The following KAT8 variants were observed in gnomAD, a reference collection of about 807,000 sequenced individuals.
KAT8 encodes the protein histone acetyltransferase KAT8.
In KAT8, 40 loss-of-function variants were observed where a neutral mutation model predicts 62.9. The observed-to-expected ratio is 0.64, with a 90% confidence interval of 0.49 to 0.83. The LOEUF (loss-of-function observed/expected upper bound fraction) is 0.83. Ranked by LOEUF, KAT8 falls within the 40% of genes least tolerant of loss-of-function variation. KAT8 has a pLI of 0.00. For missense variants in KAT8, 387 were observed against 614.8 expected, an observed-to-expected ratio of 0.63 and a Z score of 3.92; for synonymous variants, 278 against 254.5, an observed-to-expected ratio of 1.09 and a Z score of -0.88.
intron 6 of KAT8, 34 bp downstream of exon 6, chr16:31,128,173 G>C: frequency 1.3e-6 from 2 of 1,533,388 alleles, no homozygotes; most frequent in Non-Finnish European, 1.8e-6. Context: ...GAGAGGCCGG[G>C]GAGGCCCTGG....
intron 3 of KAT8, 66 bp downstream of exon 3, chr16:31,120,580 T>A: frequency 3.3e-6 from 5 of 1,494,978 alleles, no homozygotes; most frequent in Non-Finnish European, 3.6e-6. Context: ...CTTGGGTCTC[T>A]CGGGCCCCAG....
rs2143960323 is a variant in KAT8 at position 31,117,906 on chromosome 16, C to T, written c.211+14C>T. On this transcript the variant is annotated intron_variant, in intron 1 of 10. Coordinates refer to ENST00000219797, the MANE Select transcript of KAT8 (RefSeq NM_032188.3). ...ATAGCACCTGGCGTGAGGGCGGGGC[C>T]CAGGGCTGGGGGCGGGGCGGAGCTC... The T allele has an allele frequency of 7.5e-7, 1 of 1,334,670 alleles. No homozygotes were observed. Among genetic ancestry groups the T allele is most frequent in the East Asian group, 3.1e-5 (1 of 32,066 alleles). 82.7% of individuals were successfully genotyped at this position (1,334,670 alleles called of 1,614,324 possible).
rs774078739 is a variant in KAT8 at position 31,130,907 on chromosome 16, G to C, written c.1312+7G>C. On this transcript the variant is annotated splice_region_variant and intron_variant, in intron 10 of 10. Coordinates refer to ENST00000219797, the MANE Select transcript of KAT8 (RefSeq NM_032188.3). ...AAGAAACCACCCATCACAGGTGGGT[G>C]GGGGGCTGCTGTGTGTCGGGGGCGG... 1.7e-5 allele frequency: 27 copies of C among 1,610,864 alleles called. No homozygotes were observed. The highest frequency in any genetic ancestry group is 2.0e-5 in the Non-Finnish European group (23 of 1,179,424).
Position 31,130,812 on chromosome 16 carries a change from C to T in KAT8, c.1224C>T (p.Tyr408=). The change falls in exon 10 of 11, where the codon TAC becomes TAT. Residue 408 remains tyrosine, a synonymous_variant. Transcript: ENST00000219797. ...TGCAATCCCTCAATATGGTCAAGTA[C>T]TGGAAGGGCCAGCACGTGATCTGTG... The part of the protein sequence containing the change: ...STLQSLNMVK[Y]WKGQHVICVT... 6.2e-7 allele frequency: 1 copy of T among 1,614,026 alleles called. No homozygotes were observed. Among genetic ancestry groups the T allele is most frequent in the East Asian group, 2.2e-5 (1 of 44,872 alleles).
At chr16:31,124,731 CAAAAAAA>C (rs551229166) in intron 3 of KAT8, among the ~76,000 whole-genome samples, 1 of 61,076 alleles carries the variant, frequency 1.6e-5, no homozygotes, top group African/African-American at 6.8e-5. Flanking sequence ...GGCTCCATTT[CAAAAAAA>C]AAAAAAAAAA....
intron 6 of KAT8, among the ~76,000 whole-genome samples, chr16:31,129,210 T>C (rs2143991259): frequency 6.6e-6 from 1 of 152,348 alleles, no homozygotes; most frequent in Non-Finnish European, 1.5e-5. Flanking sequence ...CGGGCCTTGT[T>C]ATTATCGGTG....
intron 3 of KAT8, chr16:31,124,049 G>A (rs1423649158): frequency 6.6e-6 from 1 of 152,212 alleles, no homozygotes; most frequent in African/African-American, 2.4e-5. Flanking sequence ...TAAATAAATT[G>A]CAACAATTAA....
At chr16:31,128,749 A>G (rs1273766977) in intron 6 of KAT8, among the ~76,000 whole-genome samples, 2 of 152,226 alleles carry the variant, frequency 1.3e-5, no homozygotes, top group African/African-American at 4.8e-5. Flanking sequence ...TTGGAAAGAA[A>G]GGTGTTTGTT....
intron 6 of KAT8, among the ~76,000 whole-genome samples, chr16:31,128,847 C>G (rs193174365): frequency 6.6e-6 from 1 of 152,134 alleles, no homozygotes; most frequent in Admixed American, 6.5e-5. Flanking sequence ...TTCCTGGCCC[C>G]GAATGACTTC....
At position 31,117,673 on chromosome 16, in the gene KAT8, C is replaced by T. The variant is rs751535384; in HGVS notation, c.-9C>T. 31 of 1,388,032 alleles carry T rather than the reference C, an allele frequency of 2.2e-5. 1 individual carries two copies. In the Middle Eastern group the frequency reaches 6.6e-4, roughly 30 times the overall value. The allele number at this position is 1,388,032 out of a possible 1,614,324, so 86.0% of individuals were successfully genotyped here. ...GGCGTCCGATTCTGGCGTCACTTCCCTTCCCGCGATGGCGGCACAGGGAGC... is the reference window on the plus strand; with the variant it reads ...GGCGTCCGATTCTGGCGTCACTTCCTTTCCCGCGATGGCGGCACAGGGAGC... On this transcript the variant is annotated 5_prime_UTR_variant, in exon 1 of 11. Transcript: ENST00000219797.
Position 31,120,326 on chromosome 16 carries a change from C to T in KAT8, c.287-13C>T. 1.9e-6 allele frequency: 3 copies of T among 1,614,060 alleles called. No individual in the cohort carries two copies. Among genetic ancestry groups the T allele is most frequent in the Non-Finnish European group, 2.5e-6 (3 of 1,179,922 alleles). On this transcript the variant is annotated splice_polypyrimidine_tract_variant and intron_variant, in intron 2 of 10. Transcript: ENST00000219797. ...GGCTGCCCTGGCAGCACTCTTATGG[C>T]CCATACTTACAGTTAACCGGCGGCT...
At chr16:31,120,651 A>G (rs947058721) in intron 3 of KAT8, 137 bp downstream of exon 3, 2 of 737,194 alleles carry the variant, frequency 2.7e-6, no homozygotes, top group Non-Finnish European at 4.3e-6. Flanking sequence ...GACTTTACCT[A>G]CTTCCTCTTA....
intron 3 of KAT8, among the ~76,000 whole-genome samples, chr16:31,125,409 G>A (rs2057525532): frequency 6.6e-6 from 1 of 152,040 alleles, no homozygotes; most frequent in Non-Finnish European, 1.5e-5. Context: ...TTTGAGAACA[G>A]CCTGGCCAAC....
chr16:31,118,687 G>A (rs2057469849), intron 1 of KAT8: 1 of 151,870 alleles, frequency 6.6e-6, no homozygotes. Context: ...ATCATACTGG[G>A]AACTTCTGGA....
chr16:31,120,626 C>T (rs556612241), intron 3 of KAT8, 112 bp downstream of exon 3: 10 of 991,938 alleles, frequency 1.0e-5, no homozygotes, highest in South Asian at 6.6e-5. Context: ...TCTTAAGCTC[C>T]TGTAGTGTGT....
At chr16:31,127,912 A>G (rs2057544820) in intron 5 of KAT8, 138 bp from the exon 6 acceptor site, 1 of 662,904 alleles carries the variant, frequency 1.5e-6, no homozygotes, top group Admixed American at 2.3e-5. Flanking sequence ...GGCTGCTGGG[A>G]GGATTACTCG....
rs2057572390 is a variant in KAT8, at chr16:31,130,898, CAGGT to C, written c.1311_1312+2del. 6.2e-6 allele frequency: 10 copies of C among 1,602,932 alleles called. No homozygotes were observed. Among genetic ancestry groups the C allele is most frequent in the African/African-American group, 1.4e-5 (1 of 72,790 alleles). Reference sequence around the variant, plus strand: ...GCCCAGTATAAGAAACCACCCATCACAGGTGGGTGGGGGGCTGCTGTGTGTCGGG... The same window carrying C: ...GCCCAGTATAAGAAACCACCCATCACGGGTGGGGGGCTGCTGTGTGTCGGG... On this transcript the variant is annotated splice_donor_variant and coding_sequence_variant, in exon 10 of 11. Coordinates refer to ENST00000219797, the MANE Select transcript of KAT8 (RefSeq NM_032188.3). LOFTEE classifies it high-confidence loss of function.
intron 3 of KAT8, chr16:31,121,085 T>TTTTG (rs113125305): frequency 2.1e-5 from 3 of 142,992 alleles, no homozygotes; most frequent in African/African-American, 7.8e-5. Context: ...TAAATGGTTT[T>TTTTG]TGTGTGTGTG....
chr16:31,126,268 G>A (rs2057530655), intron 3 of KAT8: 1 of 152,370 alleles, frequency 6.6e-6, no homozygotes, highest in African/African-American at 2.4e-5. Flanking sequence ...TGGGGCTGGA[G>A]GCAGGGAGTC....
Sources: allele counts gnomAD v4.1 joint callset (sites outside exome capture counted in the v4.1 genomes callset), GRCh38; gene constraint gnomAD v4.1.1; transcripts MANE v1.5; gene names NCBI Gene and HGNC (gene_info 2026-07-23, HGNC 2026-07-21).